Variants in HDAC7 observed in about 807,000 individuals in gnomAD.
HDAC7 encodes histone deacetylase 7A.
Under a neutral mutation model 115.5 loss-of-function variants are expected in HDAC7, and 26 were observed. The ratio of observed to expected loss-of-function variants is 0.23; its 90% CI spans 0.16 to 0.31. The LOEUF is 0.31. Among genes scored for constraint, HDAC7 ranks in the 10% least tolerant of loss-of-function variants. The pLI, the probability that HDAC7 is intolerant of heterozygous loss-of-function variation, is 1.00. For synonymous variants in HDAC7, 564 were observed against 550.9 expected (o/e 1.02, Z -0.33); for missense variants, 1,068 against 1,329.0 (o/e 0.80, Z 3.05).
In HDAC7 at chr12:47,795,160, C is replaced by A; in HGVS notation, c.1284+24G>T. The A allele has an allele frequency of 6.3e-7, 1 of 1,589,718 alleles. No homozygotes were observed. Among genetic ancestry groups the A allele is most frequent in the Non-Finnish European group, 8.6e-7 (1 of 1,161,916 alleles). The stretch of plus-strand genomic sequence containing the variant: ...TCCCCAGTTAAACACTCCCTCAATA[C>A]CTCCACTGCCCAATTCCTCTCACCT... On this transcript the variant is annotated intron_variant, in intron 11 of 25. Coordinates refer to ENST00000080059, the MANE Select transcript of HDAC7 (RefSeq NM_015401.5). The surrounding 1 kb of genome is among the most constrained non-coding windows in gnomAD (Gnocchi z 4.3).
chr12:47,790,713 C>CT, intron 16 of HDAC7: 1 of 166,480 alleles, frequency 6.0e-6, no homozygotes, highest in South Asian at 1.4e-4. Context: ...GAGAGCTGAG[C>CT]CGGAGGGAGC....
intron 2 of HDAC7, among the ~76,000 whole-genome samples, chr12:47,799,592 G>A (rs1233289648): frequency 6.6e-6 from 1 of 152,236 alleles, no homozygotes; most frequent in Non-Finnish European, 1.5e-5. Flanking sequence ...GCCCAGGGCA[G>A]GTTCCTCAGC....
rs959981747 is a variant in HDAC7 at position 47,795,890 on chromosome 12, C to A, written c.906+16G>T. 1 of 1,539,554 alleles carries A rather than the reference C, an allele frequency of 6.5e-7. No homozygotes were observed. Among genetic ancestry groups the A allele is most frequent in the African/African-American group, 1.4e-5 (1 of 72,970 alleles). On this transcript the variant is annotated intron_variant, in intron 9 of 25. Transcript: ENST00000080059. The surrounding 1 kb of genome is among the most constrained non-coding windows in gnomAD (Gnocchi z 4.3). The stretch of plus-strand genomic sequence containing the variant: ...TGGGGGGGCTTGGAGTGGGGGTGGG[C>A]ACCCCAGCCACTCACCCTGGCAGGG...
chr12:47,800,762 A>ATACG (rs1944127794), intron 2 of HDAC7, among the ~76,000 whole-genome samples: 2 of 152,254 alleles, frequency 1.3e-5, no homozygotes, highest in Admixed American at 1.3e-4. Flanking sequence ...CTTCAGCCAC[A>ATACG]TACGGACTGT....
In HDAC7 at chr12:47,793,360, C is replaced by T. The variant is rs904999223; in HGVS notation, c.1678+9G>A. 16 of 1,499,076 alleles carry T rather than the reference C, an allele frequency of 1.1e-5. No individual in the cohort carries two copies. The highest frequency in any genetic ancestry group is 6.3e-5 in the South Asian group (5 of 79,678). 92.9% of individuals were successfully genotyped at this position (1,499,076 alleles called of 1,614,324 possible). ...CTCCCTCCACCCGCCACCCTCCTCC[C>T]GGTCTCACCTGTGGTGAAGGGCAGG... On this transcript the variant is annotated intron_variant, in intron 13 of 25. Coordinates refer to ENST00000080059, the MANE Select transcript of HDAC7 (RefSeq NM_015401.5). The surrounding 1 kb of genome is among the most constrained non-coding windows in gnomAD (Gnocchi z 4.5).
At chr12:47,787,246 C>A (rs528568884) in intron 21 of HDAC7, among the ~76,000 whole-genome samples, 1 of 7,072 alleles carries the variant, frequency 1.4e-4, no homozygotes, top group African/African-American at 7.5e-4. Flanking sequence ...CAGGCCCCCC[C>A]CCAGCTGCCT....
At chr12:47,792,087 C>G in intron 13 of HDAC7, 83 bp from the exon 14 acceptor site, 1 of 1,463,306 alleles carries the variant, frequency 6.8e-7, no homozygotes, top group Non-Finnish European at 9.1e-7. Context: ...CCAGCACCGC[C>G]ACAGCAGGCA....
At position 47,793,427 on chromosome 12, in the gene HDAC7, G is replaced by A. The variant is rs76622311; in HGVS notation, c.1620C>T (p.Ser540=). Reference sequence around the variant, plus strand: ...CTGAGCTGGAGAGGACTCGGGCCTGGCTGGCAGGCTCTGGGGCTGACAGTG... The same window carrying A: ...CTGAGCTGGAGAGGACTCGGGCCTGACTGGCAGGCTCTGGGGCTGACAGTG... ...PASLSAPEPA[S]QARVLSSSET... is the part of the protein sequence containing the mutation. Residue 540 remains serine (S), a synonymous_variant, in exon 13 of 26, where the codon AGC becomes AGT. Transcript: ENST00000080059. The surrounding 1 kb of genome is among the most constrained non-coding windows in gnomAD (Gnocchi z 4.5). 9,563 of 1,562,156 alleles carry A rather than the reference G, an allele frequency of 6.1e-3. 549 individuals are homozygous for A. The African/African-American group carries it at 0.12, about 19-fold the overall frequency.
chr12:47,791,535 G>A, intron 15 of HDAC7, 51 bp downstream of exon 15: 1 of 1,567,226 alleles, frequency 6.4e-7, no homozygotes, highest in Non-Finnish European at 8.7e-7. Context: ...GAGTGCATGG[G>A]AGCTGGGTGA....
intron 2 of HDAC7, 86 bp from the exon 3 acceptor site, chr12:47,799,058 A>C: frequency 5.2e-6 from 5 of 957,152 alleles, no homozygotes; most frequent in Non-Finnish European, 7.5e-6. Flanking sequence ...AGCCTCCCTC[A>C]GGCTCACTTG....
At position 47,793,639 on chromosome 12, in the gene HDAC7, T is replaced by C; in HGVS notation, c.1459-51A>G. 1.4e-6 allele frequency: 2 copies of C among 1,394,378 alleles called. No homozygotes were observed. Among genetic ancestry groups the C allele is most frequent in the Non-Finnish European group, 9.6e-7 (1 of 1,036,744 alleles). 86.4% of individuals were successfully genotyped at this position (1,394,378 alleles called of 1,614,324 possible). A position where few individuals can be genotyped will look rare whatever the true frequency, so the allele number is the denominator to read the frequency against. On this transcript the variant is annotated intron_variant, in intron 12 of 25. Coordinates refer to ENST00000080059, the MANE Select transcript of HDAC7 (RefSeq NM_015401.5). This position sits in a 1 kb window ranked among gnomAD's most constrained non-coding sequence, Gnocchi z 4.5. ...TCCAGTGTTTCAGGGTCCTGCTCCC[T>C]CTACTTCTGCCTGAGGTCTTGGGAA...
chr12:47,808,665 C>T (rs1323017732), intron 1 of HDAC7, among the ~76,000 whole-genome samples: 1 of 152,216 alleles, frequency 6.6e-6, no homozygotes, highest in African/African-American at 2.4e-5. Context: ...GCCTTCCCTG[C>T]AAGTCCATTG....
intron 22 of HDAC7, 91 bp from the exon 23 acceptor site, chr12:47,785,976 TAATA>T: frequency 7.9e-7 from 1 of 1,268,730 alleles, no homozygotes; most frequent in Non-Finnish European, 1.1e-6. Flanking sequence ...GCTTCCTCCC[TAATA>T]AAGAATGACT....
rs1555141439 is a variant in HDAC7 at position 47,797,895 on chromosome 12, T to TGA, written c.461+211_461+212dup. On this transcript the variant is annotated intron_variant, in intron 5 of 25. Coordinates refer to ENST00000080059, the MANE Select transcript of HDAC7 (RefSeq NM_015401.5). The surrounding 1 kb of genome is among the most constrained non-coding windows in gnomAD (Gnocchi z 5.5). ...GTGTGTGTGTGTGTGTGTGTGTGTG[T>TGA]GAGAAGGGCTCAGGTGGGGTGGGGA... Among the ~76,000 whole-genome samples the TGA allele has an allele frequency of 4.3e-3, 621 of 143,458 alleles. 11 individuals are homozygous for TGA. Among genetic ancestry groups the TGA allele is most frequent in the African/African-American group, 0.015 (555 of 36,504 alleles). The allele number at this position is 143,458 out of a possible 152,430, so 94.1% of individuals were successfully genotyped here.
At position 47,786,617 on chromosome 12, in the gene HDAC7, G is replaced by A. The variant is rs2136908843; in HGVS notation, c.2540C>T (p.Ala847Val). 1 of 1,613,518 alleles carries A rather than the reference G, an allele frequency of 6.2e-7. No homozygotes were observed. The highest frequency in any genetic ancestry group is 8.5e-7 in the Non-Finnish European group (1 of 1,179,516). ...AGAAACATGGTAGCCACCCAGTGGGGCCGGGTGACCCTCAGCAGCATCAAA... is the reference window on the plus strand; with the variant it reads ...AGAAACATGGTAGCCACCCAGTGGGACCGGGTGACCCTCAGCAGCATCAAA... ...AGFDAAEGHP[A>V]PLGGYHVSAK... The change falls in exon 22 of 26, where the codon GCC (alanine) becomes GTC (valine). Residue 847 changes from alanine to valine, a missense_variant. Ala to Val is a moderately conservative substitution (Grantham distance 64). This residue lies in a region of HDAC7 where 182 missense variants were observed against 301.1 expected (regional missense o/e 0.60). Transcript: ENST00000080059.
At position 47,796,036 on chromosome 12, in the gene HDAC7, G is replaced by A. The variant is rs771431245; in HGVS notation, c.796-20C>T. ...GAGCGCCTGCCATAGGGAGCAGGGCGAGGGTCACCGGTCCCAGACCTCTAC... is the reference window on the plus strand; with the variant it reads ...GAGCGCCTGCCATAGGGAGCAGGGCAAGGGTCACCGGTCCCAGACCTCTAC... On this transcript the variant is annotated intron_variant, in intron 8 of 25. Transcript: ENST00000080059. 5.4e-5 allele frequency: 83 copies of A among 1,547,394 alleles called. No homozygotes were observed. Among genetic ancestry groups the A allele is most frequent in the South Asian group, 2.9e-4 (24 of 83,972 alleles).
At chr12:47,801,672 C>T (rs542305566) in intron 2 of HDAC7, among the ~76,000 whole-genome samples, 1 of 152,326 alleles carries the variant, frequency 6.6e-6, no homozygotes, top group African/African-American at 2.4e-5. Context: ...CAGACCGCGT[C>T]TAGTCCAGAC....
chr12:47,792,038 G>A (rs1254077764), intron 13 of HDAC7, 34 bp from the exon 14 acceptor site: 6 of 1,573,382 alleles, frequency 3.8e-6, no homozygotes, highest in Non-Finnish European at 5.2e-6. Context: ...GGGACCCAGG[G>A]AGTCCTCACG....
At chr12:47,817,728 C>CAA (rs1210610622) in intron 1 of HDAC7, 4 of 152,272 alleles carry the variant, frequency 2.6e-5, no homozygotes, top group Non-Finnish European at 5.9e-5. Flanking sequence ...CTGCCGACTT[C>CAA]AAAATTACCA....
Sources: allele counts gnomAD v4.1 joint callset (sites outside exome capture counted in the v4.1 genomes callset), GRCh38; gene constraint gnomAD v4.1.1; regional missense constraint gnomAD v4.1.1; non-coding constraint Gnocchi (gnomAD v3.1); transcripts MANE v1.5; gene names NCBI Gene and HGNC (gene_info 2026-07-23, HGNC 2026-07-21).